Variants in MIPOL1 observed in about 807,000 individuals in gnomAD.
The protein encoded by MIPOL1 is mirror-image polydactyly 1.
In MIPOL1, 57 loss-of-function variants were observed where a neutral mutation model predicts 60.9. The observed-to-expected ratio is 0.94, with a 90% CI of 0.76 to 1.17. The LOEUF (loss-of-function observed/expected upper bound fraction) is 1.17. Among genes scored for constraint, MIPOL1 ranks in the 50% most tolerant of loss-of-function variants. MIPOL1 has a pLI of 0.00. For missense variants in MIPOL1, 551 were observed against 511.6 expected (o/e 1.08, Z -0.74); for synonymous variants, 179 against 168.8 (o/e 1.06, Z -0.47).
chr14:37,453,888 G>A (rs954435839), intron 11 of MIPOL1, among the ~76,000 whole-genome samples: 1 of 152,156 alleles, frequency 6.6e-6, no homozygotes, highest in Non-Finnish European at 1.5e-5. Context: ...ACACTGTCCA[G>A]TATCATCACT....
intron 10 of MIPOL1, among the ~76,000 whole-genome samples, chr14:37,397,539 A>C (rs1376294628): frequency 6.6e-6 from 1 of 152,170 alleles, no homozygotes; most frequent in Non-Finnish European, 1.5e-5. Flanking sequence ...CAGTGGTCAG[A>C]GCCCTAAAAT....
chr14:37,317,568 T>TA (rs2088056393), intron 9 of MIPOL1, among the ~76,000 whole-genome samples: 1 of 152,030 alleles, frequency 6.6e-6, no homozygotes, highest in Non-Finnish European at 1.5e-5. Flanking sequence ...CTCCCTTATG[T>TA]AAAGAGGAAG....
chr14:37,316,907 G>A (rs569099214), intron 9 of MIPOL1, among the ~76,000 whole-genome samples: 1 of 152,174 alleles, frequency 6.6e-6, no homozygotes, highest in South Asian at 2.1e-4. Context: ...GAACCCAGGA[G>A]GCGGAGGTTG....
At chr14:37,366,386 T>G (rs570356896) in intron 9 of MIPOL1, among the ~76,000 whole-genome samples, 14 of 152,208 alleles carry the variant, frequency 9.2e-5, no homozygotes, top group Non-Finnish European at 1.6e-4. Flanking sequence ...TTCAGTTTTC[T>G]TCTTAATTTC....
intron 6 of MIPOL1, among the ~76,000 whole-genome samples, chr14:37,284,558 T>C (rs939963187): frequency 1.3e-5 from 2 of 152,130 alleles, no homozygotes; most frequent in African/African-American, 4.8e-5. Context: ...TTAGCCGGGA[T>C]GGTCTCGATC....
chr14:37,210,460 C>G (rs570457435), intron 1 of MIPOL1, among the ~76,000 whole-genome samples: 1 of 152,234 alleles, frequency 6.6e-6, no homozygotes, highest in Non-Finnish European at 1.5e-5. Context: ...TCTTCCTGTT[C>G]ACTGCACAGT....
At chr14:37,265,532 T>A (rs1276892661) in intron 3 of MIPOL1, among the ~76,000 whole-genome samples, 1 of 152,200 alleles carries the variant, frequency 6.6e-6, no homozygotes, top group African/African-American at 2.4e-5. Context: ...TCAAACTTTT[T>A]ATACAAATGT....
intron 3 of MIPOL1, among the ~76,000 whole-genome samples, chr14:37,248,666 A>T (rs1355848930): frequency 6.6e-6 from 1 of 152,074 alleles, no homozygotes; most frequent in Admixed American, 6.6e-5. Context: ...TCACACAGAG[A>T]GAGAAATGCC....
intron 11 of MIPOL1, among the ~76,000 whole-genome samples, chr14:37,458,624 G>T (rs1235161430): frequency 2.0e-5 from 3 of 151,804 alleles, no homozygotes; most frequent in African/African-American, 4.8e-5. Flanking sequence ...TTTGAGACCA[G>T]CCTGGCAAAC....
intron 9 of MIPOL1, among the ~76,000 whole-genome samples, chr14:37,348,962 T>C (rs2091146885): frequency 6.9e-6 from 1 of 144,646 alleles, no homozygotes; most frequent in Admixed American, 6.9e-5. Flanking sequence ...GTACAGGCGG[T>C]GCCACCATGC....
intron 7 of MIPOL1, among the ~76,000 whole-genome samples, chr14:37,298,824 A>G (rs533273573): frequency 0.012 from 1,880 of 151,290 alleles, 20 homozygotes; most frequent in Middle Eastern, 0.031. Context: ...ATGTTGAGAA[A>G]TAGGAACACT....
chr14:37,383,962 T>C (rs2092996919), intron 10 of MIPOL1, among the ~76,000 whole-genome samples: 1 of 151,866 alleles, frequency 6.6e-6, no homozygotes, highest in African/African-American at 2.4e-5. Context: ...AAGAAATTCA[T>C]TGCCTAGAAA....
At chr14:37,325,883 T>C (rs2089108228) in intron 9 of MIPOL1, among the ~76,000 whole-genome samples, 1 of 152,140 alleles carries the variant, frequency 6.6e-6, no homozygotes, top group Admixed American at 6.6e-5. Context: ...TTCAAAGGCA[T>C]GAGGAATTCC....
intron 1 of MIPOL1, among the ~76,000 whole-genome samples, chr14:37,198,558 GCTGTAAAAAGATA>G (rs1490310974): frequency 6.6e-6 from 1 of 152,014 alleles, no homozygotes; most frequent in African/African-American, 2.4e-5. Context: ...GCTAAGCCAT[GCTGTAAAAAGATA>G]CTGTTAGAAT....
intron 1 of MIPOL1, among the ~76,000 whole-genome samples, chr14:37,241,624 C>T (rs1476489934): frequency 7.9e-5 from 12 of 151,884 alleles, no homozygotes; most frequent in Non-Finnish European, 5.9e-5. Flanking sequence ...TTACATTGAC[C>T]TTCAATGATG....
chr14:37,483,020 CA>C (rs2094894490), intron 11 of MIPOL1, among the ~76,000 whole-genome samples: 1 of 151,772 alleles, frequency 6.6e-6, no homozygotes, highest in African/African-American at 2.4e-5. Context: ...TTATACCTAA[CA>C]CAATGTAAAT....
intron 9 of MIPOL1, among the ~76,000 whole-genome samples, chr14:37,350,580 C>T (rs2091282526): frequency 6.6e-6 from 1 of 152,102 alleles, no homozygotes; most frequent in African/African-American, 2.4e-5. Flanking sequence ...GTGTTACAAA[C>T]AATCAGTTAT....
chr14:37,469,335 G>A (rs1467213922), intron 11 of MIPOL1, among the ~76,000 whole-genome samples: 2 of 152,000 alleles, frequency 1.3e-5, no homozygotes, highest in Non-Finnish European at 2.9e-5. Context: ...AGAGCAGGGG[G>A]GTGCTACATA....
chr14:37,444,163 A>T (rs1388664641), intron 11 of MIPOL1, among the ~76,000 whole-genome samples: 1 of 152,174 alleles, frequency 6.6e-6, no homozygotes, highest in East Asian at 1.9e-4. Flanking sequence ...CAACCTAAGG[A>T]TTCCTAAGGA....
Sources: gnomAD v4.1 joint callset for allele counts (sites outside exome capture counted in the v4.1 genomes callset) on GRCh38, gnomAD v4.1.1 for gene constraint, MANE v1.5 for transcripts, NCBI Gene and HGNC (gene_info 2026-07-23, HGNC 2026-07-21) for gene names.